Variants in ZBED6 observed in about 807,000 individuals in gnomAD.
ZBED6 encodes the protein zinc finger BED-type containing 6.
A neutral mutation model predicts 58.4 loss-of-function variants in ZBED6; 40 were observed. The observed-to-expected ratio is 0.68, with a 90% CI of 0.53 to 0.89. ZBED6 has a LOEUF of 0.89. Among genes scored for constraint, ZBED6 ranks in the 40% least tolerant of loss-of-function variants. The probability of loss-of-function intolerance (pLI) is 0.00; values close to 1 mark genes in which losing one functional copy is unlikely to be tolerated. For missense variants in ZBED6, 1,057 were observed against 1,003.9 expected (o/e 1.05, Z -0.71); for synonymous variants, 439 against 350.6 (o/e 1.25, Z -2.82).
intron 3 of ZBED6, among the ~76,000 whole-genome samples, chr1:203,819,627 C>T (rs1677802075): frequency 6.9e-6 from 1 of 145,786 alleles, no homozygotes; most frequent in South Asian, 2.2e-4. Context: ...CTCCACCTCC[C>T]TAGTTCAAGC....
At chr1:203,812,724 GGT>G (rs955173386) in intron 1 of ZBED6, among the ~76,000 whole-genome samples, 16 of 151,744 alleles carry the variant, frequency 1.1e-4, no homozygotes, top group African/African-American at 3.9e-4. Flanking sequence ...TGGGATTACA[GGT>G]GTGTGCTACC....
At chr1:203,799,250 T>A in exon 1 of ZBED6, 3 of 810,808 alleles carry the variant, frequency 3.7e-6, no homozygotes, top group Non-Finnish European at 6.2e-6. Flanking sequence ...TCAAAGATGG[T>A]GGTTTTACCC....
exon 17 of ZBED6, chr1:203,853,769 A>G (rs977728260): frequency 4.6e-5 from 7 of 152,658 alleles, no homozygotes; most frequent in Non-Finnish European, 1.0e-4. Context: ...AGTCTTGGGA[A>G]GATTGGGATG....
intron 8 of ZBED6, among the ~76,000 whole-genome samples, chr1:203,832,851 C>CA (rs1682843364): frequency 6.6e-6 from 1 of 152,202 alleles, no homozygotes. Context: ...TTCAACATAT[C>CA]AAAGTGCATA....
chr1:203,799,462 A>C, exon 1 of ZBED6: 1 of 703,042 alleles, frequency 1.4e-6, no homozygotes, highest in Non-Finnish European at 2.6e-6. Context: ...GAAACTGGCC[A>C]TTGGATTTCT....
intron 3 of ZBED6, among the ~76,000 whole-genome samples, chr1:203,827,350 C>CTT (rs200907717): frequency 2.1e-5 from 3 of 140,182 alleles, no homozygotes; most frequent in Non-Finnish European, 1.6e-5. Context: ...CACAGGTATT[C>CTT]TTTTTTTTTT....
rs202156016 is a variant in ZBED6 at position 203,849,970 on chromosome 1, G to A, written c.*4582G>A. ...GTGGAGGTAGAAACCTCAGGGATTGGAGACTCATTATTGAATGTGAAATGT... is the reference window on the plus strand; with the variant it reads ...GTGGAGGTAGAAACCTCAGGGATTGAAGACTCATTATTGAATGTGAAATGT... On this transcript the variant is annotated 3_prime_UTR_variant, in exon 14 of 17. Transcript: ENST00000550078. 126 of 1,613,954 alleles carry A rather than the reference G, an allele frequency of 7.8e-5. No individual in the cohort carries two copies. The highest frequency in any genetic ancestry group is 2.5e-5 in the Non-Finnish European group (29 of 1,180,020).
chr1:203,837,668 A>G lies in ZBED6; in HGVS notation c.*3574-298A>G, dbSNP rs1684807799. On this transcript the variant is annotated intron_variant, in intron 9 of 16. Coordinates refer to ENST00000550078, the Ensembl canonical transcript of ZBED6. Reference sequence around the variant, plus strand: ...TTTTATTTTAATTGTTTTAGAGACAAGGTCTTGCTGTGTTGCCCAGGCTGG... The same window carrying G: ...TTTTATTTTAATTGTTTTAGAGACAGGGTCTTGCTGTGTTGCCCAGGCTGG... 6.6e-6 allele frequency among the ~76,000 whole-genome samples: 1 copy of G among 151,956 alleles called. No individual in the cohort carries two copies. Among genetic ancestry groups the G allele is most frequent in the African/African-American group, 2.4e-5 (1 of 41,390 alleles).
At chr1:203,808,252 T>C (rs528552724) in intron 1 of ZBED6, among the ~76,000 whole-genome samples, 2 of 152,344 alleles carry the variant, frequency 1.3e-5, no homozygotes, top group African/African-American at 2.4e-5. Context: ...CTTTACATTC[T>C]GGATGAATAG....
chr1:203,844,709 G>T (rs967954935), intron 11 of ZBED6, among the ~76,000 whole-genome samples: 1 of 152,116 alleles, frequency 6.6e-6, no homozygotes, highest in East Asian at 1.9e-4. Flanking sequence ...GTACTAACAG[G>T]CAGCTTGTAT....
intron 10 of ZBED6, among the ~76,000 whole-genome samples, chr1:203,838,896 T>TG (rs201511544): frequency 0.02 from 2,866 of 141,238 alleles, 96 homozygotes; most frequent in African/African-American, 0.068. Context: ...GAGGTTACAG[T>TG]GAGCCAAGAT....
At chr1:203,804,484 C>G (rs1671579060) in intron 1 of ZBED6, among the ~76,000 whole-genome samples, 1 of 151,868 alleles carries the variant, frequency 6.6e-6, no homozygotes, top group African/African-American at 2.4e-5. Flanking sequence ...TGAATGGTCT[C>G]TTCCTGTATA....
chr1:203,797,293 A>T lies in ZBED6; in HGVS notation c.-230A>T, dbSNP rs1668867703. On this transcript the variant is annotated 5_prime_UTR_variant, in exon 1 of 17. The change creates a premature stop within an existing upstream ORF in the 5' untranslated region. Transcript: ENST00000550078. ...GGACTATTTGAATTCAGAACTTAGA[A>T]AATTGGAAGGGACCTTAAAGCCCTC... is the stretch of plus-strand genomic sequence containing the variant. 2.8e-6 allele frequency: 1 copy of T among 356,472 alleles called. No homozygotes were observed. The highest frequency in any genetic ancestry group is 5.0e-6 in the Non-Finnish European group (1 of 199,056). The allele number at this position is 356,472 out of a possible 1,614,324, so 22.1% of individuals were successfully genotyped here. A position where few individuals can be genotyped will look rare whatever the true frequency, so the allele number is the denominator to read the frequency against.
At chr1:203,799,312 G>A in exon 1 of ZBED6, 1 of 711,974 alleles carries the variant, frequency 1.4e-6, no homozygotes, top group Non-Finnish European at 2.5e-6. Flanking sequence ...GACTTTTTCT[G>A]CGAGCACAAA....
At chr1:203,827,486 C>T (rs1386528230) in intron 3 of ZBED6, among the ~76,000 whole-genome samples, 2 of 151,806 alleles carry the variant, frequency 1.3e-5, no homozygotes, top group African/African-American at 4.8e-5. Context: ...CAAGACCATC[C>T]TGGCTAACAT....
exon 10 of ZBED6, chr1:203,837,993 G>A (rs201103094): frequency 1.9e-5 from 31 of 1,613,916 alleles, no homozygotes; most frequent in East Asian, 2.2e-5. Flanking sequence ...CCATTAAAGC[G>A]TAGCCTGGCA....
intron 1 of ZBED6, among the ~76,000 whole-genome samples, chr1:203,815,344 T>TAGCTGG (rs1401491015): frequency 6.8e-6 from 1 of 147,194 alleles, no homozygotes; most frequent in East Asian, 2.0e-4. Flanking sequence ...CTCCCCCGTG[T>TAGCTGG]AGCTGGGATC....
chr1:203,829,904 G>C lies in ZBED6; in HGVS notation c.*3318+8G>C, dbSNP rs1327367771. The C allele has an allele frequency of 7.4e-6, 12 of 1,611,652 alleles. No individual in the cohort carries two copies. The highest frequency in any genetic ancestry group is 1.0e-5 in the Non-Finnish European group (12 of 1,177,762). On this transcript the variant is annotated splice_region_variant and intron_variant, in intron 6 of 16. Coordinates refer to ENST00000550078, the Ensembl canonical transcript of ZBED6. ...CAGTCAATATAAAGCAAGGTAAGAA[G>C]AGGCTAGATTGGTGCCTCTTATAGC...
intron 1 of ZBED6, among the ~76,000 whole-genome samples, chr1:203,804,311 C>T (rs1218784439): frequency 2.6e-5 from 4 of 152,088 alleles, no homozygotes; most frequent in African/African-American, 9.7e-5. Context: ...GCCACCTCGC[C>T]TGGCTAACTT....
Sources: gnomAD v4.1 joint callset for allele counts (sites outside exome capture counted in the v4.1 genomes callset) on GRCh38, gnomAD v4.1.1 for gene constraint, MANE v1.5 for transcripts, NCBI Gene and HGNC (gene_info 2026-07-23, HGNC 2026-07-21) for gene names.